The following RPF1 variants were observed in gnomAD, a reference collection of about 807,000 sequenced individuals.
The protein encoded by RPF1 is ribosome production factor 1 homolog, also known as ribosome production factor 1.
RPF1 carries 34 observed loss-of-function variants against 41.9 expected under a neutral mutation model. The ratio of observed to expected loss-of-function variants is 0.81; its 90% confidence interval spans 0.62 to 1.08. The LOEUF is 1.08. RPF1 is among the 50% of genes least tolerant of loss of function. The pLI is 0.00. For synonymous variants in RPF1, 140 were observed against 148.9 expected (o/e 0.94, Z 0.43); for missense variants, 425 against 435.2 (o/e 0.98, Z 0.21).
At chr1:84,482,016 C>A (rs1030306300) in intron 2 of RPF1, among the ~76,000 whole-genome samples, 1 of 152,112 alleles carries the variant, frequency 6.6e-6, no homozygotes, top group African/African-American at 2.4e-5. Context: ...CTTTTGTAAT[C>A]AGTCTATTAC....
At chr1:84,484,866 G>GTTTCA (rs1681710440) in intron 3 of RPF1, among the ~76,000 whole-genome samples, 1 of 151,892 alleles carries the variant, frequency 6.6e-6, no homozygotes, top group African/African-American at 2.4e-5. Flanking sequence ...TAGAGACAGG[G>GTTTCA]TTTCACCATG....
chr1:84,481,119 T>A, intron 2 of RPF1, 107 bp downstream of exon 2: 2 of 632,088 alleles, frequency 3.2e-6, no homozygotes, highest in South Asian at 2.2e-5. Context: ...GTATTTCAGA[T>A]GTATGAAGAA....
At chr1:84,485,178 C>G (rs149354670) in intron 3 of RPF1, among the ~76,000 whole-genome samples, 33 of 152,232 alleles carry the variant, frequency 2.2e-4, no homozygotes, top group African/African-American at 7.5e-4. Flanking sequence ...AATCTCTGCT[C>G]ACTGCAACCT....
chr1:84,485,503 C>T (rs574268196), intron 3 of RPF1, among the ~76,000 whole-genome samples: 22 of 152,276 alleles, frequency 1.4e-4, no homozygotes, highest in African/African-American at 4.6e-4. Context: ...CCACTTGTGG[C>T]GCCATGTTGG....
intron 3 of RPF1, among the ~76,000 whole-genome samples, chr1:84,484,996 G>A (rs777776714): frequency 2.0e-5 from 3 of 152,062 alleles, no homozygotes; most frequent in Non-Finnish European, 4.4e-5. Flanking sequence ...TTTGGATTCC[G>A]GGCTTTGGAA....
At chr1:84,492,831 A>G (rs970661370) in intron 5 of RPF1, among the ~76,000 whole-genome samples, 1 of 152,216 alleles carries the variant, frequency 6.6e-6, no homozygotes, top group African/African-American at 2.4e-5. Flanking sequence ...TCATACTGAC[A>G]AACAAAATGC....
chr1:84,480,966 C>T lies in RPF1; in HGVS notation c.239C>T (p.Ala80Val), dbSNP rs1681636023. 2 of 1,577,578 alleles carry T rather than the reference C, an allele frequency of 1.3e-6. No individual in the cohort carries two copies. Among genetic ancestry groups the T allele is most frequent in the Admixed American group, 1.7e-5 (1 of 58,594 alleles). The change falls in exon 2 of 9, where the codon GCA (alanine) becomes GTA (valine). Residue 80 changes from alanine (A) to valine (V), a missense_variant. Transcript: ENST00000370654. Reference protein sequence around the residue: ...WKQQQRKEKLAAKKKLKKERE... With the variant: ...WKQQQRKEKLVAKKKLKKERE... ...TTTTTAACCCTTTAGGAAAAGTTGG[C>T]AGCTAAGAAAAAACTTAAAAAAGAA...
rs777774160 is a variant in RPF1 at position 84,489,725 on chromosome 1, T to C, written c.459T>C (p.His153=). 4 of 1,531,484 alleles carry C rather than the reference T, an allele frequency of 2.6e-6. No individual in the cohort carries two copies. In the African/African-American group the frequency reaches 5.5e-5, roughly 21 times the overall value. 94.9% of individuals were successfully genotyped at this position (1,531,484 alleles called of 1,614,324 possible). Reference sequence around the variant, plus strand: ...TCATCACAACATCAGATAGACCTCATGGGGTAAACACATTGATTAATTTAG... The same window carrying C: ...TCATCACAACATCAGATAGACCTCACGGGGTAAACACATTGATTAATTTAG... The part of the protein sequence containing the change: ...KILITTSDRP[H]GRTVRLCEQL... The change falls in exon 4 of 9, where the codon CAT becomes CAC. Residue 153 remains histidine (H), a synonymous_variant. Transcript: ENST00000370654.
intron 8 of RPF1, 144 bp downstream of exon 8, chr1:84,496,514 G>C (rs868272137): frequency 1.8e-6 from 1 of 568,536 alleles, no homozygotes. Context: ...AACCACTATA[G>C]CACGTTTACC....
chr1:84,493,186 C>T (rs150245851), intron 5 of RPF1, among the ~76,000 whole-genome samples: 15 of 152,026 alleles, frequency 9.9e-5, no homozygotes, highest in African/African-American at 1.7e-4. Context: ...TTGATTTGGG[C>T]GTTGGAAGAA....
chr1:84,490,591 A>G, intron 5 of RPF1, 119 bp downstream of exon 5: 1 of 713,218 alleles, frequency 1.4e-6, no homozygotes, highest in Non-Finnish European at 2.2e-6. Context: ...TTTTATCAGA[A>G]AATTGTATCT....
intron 5 of RPF1, among the ~76,000 whole-genome samples, chr1:84,494,637 G>A (rs1681896216): frequency 6.6e-6 from 1 of 152,200 alleles, no homozygotes; most frequent in Non-Finnish European, 1.5e-5. Context: ...TATTATATAG[G>A]TAGCAACCTT....
chr1:84,479,582 T>A, intron 1 of RPF1, 73 bp downstream of exon 1: 1 of 1,366,820 alleles, frequency 7.3e-7, no homozygotes, highest in Non-Finnish European at 1.0e-6. Flanking sequence ...GGGGCGCACA[T>A]CTGTGGTTGT....
rs756758387 is a variant in RPF1 at position 84,496,228 on chromosome 1, CTT to C, written c.882-12_882-11del. 30 of 1,605,908 alleles carry C rather than the reference CTT, an allele frequency of 1.9e-5. No individual in the cohort carries two copies. In the African/African-American group the frequency reaches 2.6e-4, roughly 14 times the overall value. On this transcript the variant is annotated splice_polypyrimidine_tract_variant and intron_variant, in intron 7 of 8. Transcript: ENST00000370654. ...ATAGCTCATTCAGACTAATTTAACT[CTT>C]TTTGTCTTTGAAGATACATATTCAG...
In RPF1 at chr1:84,484,606, G is replaced by T. The variant is rs143937183; in HGVS notation, c.366+1611G>T. ...TATGAGTTCGCCTGGGGTTTCCTCT[G>T]ATTATATTCAGTTTATGTACTTTTG... On this transcript the variant is annotated intron_variant, in intron 3 of 8. Coordinates refer to ENST00000370654, the MANE Select transcript of RPF1 (RefSeq NM_025065.7). Among the ~76,000 whole-genome samples, 520 of 151,916 alleles carry T rather than the reference G, an allele frequency of 3.4e-3. 2 individuals are homozygous for T. Among genetic ancestry groups the T allele is most frequent in the African/African-American group, 0.012 (494 of 41,422 alleles).
chr1:84,490,208 G>C (rs1387468526), intron 4 of RPF1, 111 bp from the exon 5 acceptor site: 2 of 685,746 alleles, frequency 2.9e-6, no homozygotes, highest in African/African-American at 1.9e-5. Flanking sequence ...CCTCAATGTT[G>C]CTTTCTATTA....
At chr1:84,479,823 A>G (rs890731569) in intron 1 of RPF1, among the ~76,000 whole-genome samples, 12 of 152,128 alleles carry the variant, frequency 7.9e-5, no homozygotes, top group African/African-American at 2.9e-4. Flanking sequence ...CCAGAAGGCA[A>G]AAGTCTCAGC....
rs1681883122 is a variant in RPF1, at chr1:84,493,890, G to GT, written c.617-1482dup. Among the ~76,000 whole-genome samples the GT allele has an allele frequency of 3.3e-5, 5 of 152,314 alleles. No homozygotes were observed. In the South Asian group the frequency reaches 1.0e-3, roughly 32 times the overall value. The stretch of plus-strand genomic sequence containing the variant: ...GAAACAGGCTTGATGTGGGCATAGG[G>GT]TAAATAGGTTGAAAAGGTAATTTGT... On this transcript the variant is annotated intron_variant, in intron 5 of 8. Coordinates refer to ENST00000370654, the MANE Select transcript of RPF1 (RefSeq NM_025065.7).
intron 8 of RPF1, among the ~76,000 whole-genome samples, chr1:84,496,818 C>T (rs1681946916): frequency 1.3e-5 from 2 of 152,130 alleles, no homozygotes; most frequent in African/African-American, 4.8e-5. Context: ...GATAAGTTTT[C>T]TTAGAAGTTT....
Sources: allele counts gnomAD v4.1 joint callset (sites outside exome capture counted in the v4.1 genomes callset), GRCh38; gene constraint gnomAD v4.1.1; transcripts MANE v1.5; gene names NCBI Gene and HGNC (gene_info 2026-07-23, HGNC 2026-07-21).